The following ST6GALNAC5 variants were observed in gnomAD, a reference collection of about 807,000 sequenced individuals.
The protein encoded by ST6GALNAC5 is alpha-N-acetylgalactosaminide alpha-2,6-sialyltransferase 5.
Under a neutral mutation model 33.6 loss-of-function variants are expected in ST6GALNAC5, and 27 were observed. The ratio of observed to expected loss-of-function variants is 0.80; its 90% confidence interval spans 0.59 to 1.11. ST6GALNAC5 has a LOEUF of 1.11. ST6GALNAC5 is among the 50% of genes least tolerant of loss of function. The probability of loss-of-function intolerance (pLI) is 0.00; values close to 1 mark genes in which losing one functional copy is unlikely to be tolerated. For synonymous variants in ST6GALNAC5, 194 were observed against 171.2 expected, an observed-to-expected ratio of 1.13 and a Z score of -1.04; for missense variants, 428 against 454.0, an observed-to-expected ratio of 0.94 and a Z score of 0.52.
chr1:77,063,481 C>A lies in ST6GALNAC5; in HGVS notation c.*275C>A, dbSNP rs1287003728. The A allele has an allele frequency of 4.7e-6, 2 of 429,242 alleles. No individual in the cohort carries two copies. Among genetic ancestry groups the A allele is most frequent in the Non-Finnish European group, 8.5e-6 (2 of 235,104 alleles). 26.6% of individuals were successfully genotyped at this position (429,242 alleles called of 1,614,324 possible). On this transcript the variant is annotated 3_prime_UTR_variant, in exon 5 of 5. Coordinates refer to ENST00000477717, the MANE Select transcript of ST6GALNAC5 (RefSeq NM_030965.3). ...TCAGTTACACCACTATGACTAAAAA[C>A]AGTTTGGATCTCTTAGTATTGCCTT...
At chr1:76,964,304 C>A (rs756790499) in intron 2 of ST6GALNAC5, among the ~76,000 whole-genome samples, 22 of 152,152 alleles carry the variant, frequency 1.4e-4, no homozygotes, top group Non-Finnish European at 2.5e-4. Context: ...CCAGTTCTGT[C>A]CTTCCACAAC....
intron 2 of ST6GALNAC5, among the ~76,000 whole-genome samples, chr1:76,893,541 G>A (rs1228054514): frequency 6.6e-6 from 1 of 152,176 alleles, no homozygotes; most frequent in Non-Finnish European, 1.5e-5. Context: ...GAATTATTAG[G>A]AGGATTTAAT....
chr1:77,047,732 A>C (rs1429636643), intron 3 of ST6GALNAC5, among the ~76,000 whole-genome samples: 1 of 152,254 alleles, frequency 6.6e-6, no homozygotes, highest in Non-Finnish European at 1.5e-5. Context: ...GCGTAAATGA[A>C]ATAACTGCAG....
At chr1:77,046,519 A>G (rs1267690417) in intron 3 of ST6GALNAC5, among the ~76,000 whole-genome samples, 1 of 152,164 alleles carries the variant, frequency 6.6e-6, no homozygotes, top group African/African-American at 2.4e-5. Context: ...TCCTCACTGG[A>G]AGGCCCAGCA....
intron 2 of ST6GALNAC5, among the ~76,000 whole-genome samples, chr1:76,906,055 C>T (rs141153279): frequency 2.0e-5 from 3 of 152,204 alleles, no homozygotes; most frequent in Admixed American, 6.5e-5. Context: ...AGCATCATTT[C>T]GGAGGAAGAA....
intron 4 of ST6GALNAC5, among the ~76,000 whole-genome samples, chr1:77,053,935 C>A (rs190240488): frequency 6.6e-6 from 1 of 152,210 alleles, no homozygotes; most frequent in African/African-American, 2.4e-5. Flanking sequence ...CAATGAAGAG[C>A]TAGCCACGTG....
intron 2 of ST6GALNAC5, among the ~76,000 whole-genome samples, chr1:77,028,527 C>T (rs1387310513): frequency 1.3e-5 from 2 of 152,232 alleles, no homozygotes; most frequent in Non-Finnish European, 2.9e-5. Flanking sequence ...ATTCAACCAA[C>T]ATTTATTGAG....
At chr1:77,012,350 T>G (rs561393586) in intron 2 of ST6GALNAC5, among the ~76,000 whole-genome samples, 11 of 152,130 alleles carry the variant, frequency 7.2e-5, no homozygotes, top group Non-Finnish European at 1.6e-4. Flanking sequence ...CTGACATGAG[T>G]ATGGAATCCA....
Position 77,008,348 on chromosome 1 carries a change from G to A in ST6GALNAC5, c.262-35856G>A, listed in dbSNP as rs1409892154. Among the ~76,000 whole-genome samples the A allele has an allele frequency of 4.6e-5, 7 of 152,102 alleles. No individual in the cohort carries two copies. In the East Asian group the frequency reaches 5.8e-4, roughly 13 times the overall value. Reference sequence around the variant, plus strand: ...TCTTTAGAGTCAGACAGATGTGTCCGTTACTAGCTTGGACCTTGGGCAAAT... The same window carrying A: ...TCTTTAGAGTCAGACAGATGTGTCCATTACTAGCTTGGACCTTGGGCAAAT... On this transcript the variant is annotated intron_variant, in intron 2 of 4. Coordinates refer to ENST00000477717, the MANE Select transcript of ST6GALNAC5 (RefSeq NM_030965.3).
At chr1:76,969,000 G>T (rs551328492) in intron 2 of ST6GALNAC5, among the ~76,000 whole-genome samples, 1 of 152,054 alleles carries the variant, frequency 6.6e-6, no homozygotes, top group Non-Finnish European at 1.5e-5. Context: ...TTTCTCTCTG[G>T]TTGCCCTTAA....
intron 2 of ST6GALNAC5, among the ~76,000 whole-genome samples, chr1:76,890,996 TGTA>T (rs1461532484): frequency 6.6e-6 from 1 of 152,190 alleles, no homozygotes; most frequent in Non-Finnish European, 1.5e-5. Flanking sequence ...AATTTTTCAA[TGTA>T]GTAATTATTC....
chr1:76,984,544 T>A (rs191079153), intron 2 of ST6GALNAC5, among the ~76,000 whole-genome samples: 7 of 151,878 alleles, frequency 4.6e-5, no homozygotes, highest in Admixed American at 3.3e-4. Flanking sequence ...AAGAAAAAAA[T>A]TCCAGGACCA....
At chr1:76,911,262 T>C (rs1417767432) in intron 2 of ST6GALNAC5, among the ~76,000 whole-genome samples, 1 of 152,194 alleles carries the variant, frequency 6.6e-6, no homozygotes, top group Non-Finnish European at 1.5e-5. Flanking sequence ...TTTGCGTATA[T>C]TGACCCAGGC....
intron 2 of ST6GALNAC5, among the ~76,000 whole-genome samples, chr1:76,950,870 A>G (rs886776729): frequency 3.3e-5 from 5 of 152,150 alleles, no homozygotes; most frequent in African/African-American, 1.2e-4. Flanking sequence ...CGCAGCCACA[A>G]CCAAGGGATA....
intron 2 of ST6GALNAC5, among the ~76,000 whole-genome samples, chr1:76,972,322 G>T (rs1371715837): frequency 5.3e-5 from 8 of 152,020 alleles, no homozygotes; most frequent in Admixed American, 5.2e-4. Flanking sequence ...CTCCCACCAG[G>T]ACCCTCCCAT....
At chr1:77,033,073 G>A (rs114579764) in intron 2 of ST6GALNAC5, among the ~76,000 whole-genome samples, 104 of 152,298 alleles carry the variant, frequency 6.8e-4, no homozygotes, top group Non-Finnish European at 1.2e-3. Context: ...AATTGCATAC[G>A]AGTGACCTTT....
chr1:77,035,897 G>T (rs1457824485), intron 2 of ST6GALNAC5, among the ~76,000 whole-genome samples: 2 of 152,088 alleles, frequency 1.3e-5, no homozygotes, highest in Non-Finnish European at 2.9e-5. Flanking sequence ...TAATTCCCCT[G>T]CTAGACTTCC....
At chr1:76,950,952 G>C (rs988191330) in intron 2 of ST6GALNAC5, among the ~76,000 whole-genome samples, 4 of 151,546 alleles carry the variant, frequency 2.6e-5, no homozygotes, top group Non-Finnish European at 1.5e-5. Flanking sequence ...CTGTGATAAA[G>C]AAATCTTTGC....
intron 2 of ST6GALNAC5, among the ~76,000 whole-genome samples, chr1:76,872,954 A>G (rs1003073164): frequency 1.3e-5 from 2 of 152,332 alleles, no homozygotes; most frequent in Middle Eastern, 3.4e-3. Flanking sequence ...AATGTTTTTT[A>G]TAACATTTAT....
Sources: allele counts gnomAD v4.1 joint callset (sites outside exome capture counted in the v4.1 genomes callset), GRCh38; gene constraint gnomAD v4.1.1; transcripts MANE v1.5; gene names NCBI Gene and HGNC (gene_info 2026-07-23, HGNC 2026-07-21).